The following COPE variants were observed in gnomAD, a reference collection of about 807,000 sequenced individuals.
COPE encodes the protein coat protein complex I subunit epsilon, also known as coatomer subunit epsilon.
COPE carries 19 observed loss-of-function variants against 42.1 expected under a neutral mutation model. The observed-to-expected ratio is 0.45, with a 90% CI of 0.31 to 0.66. The LOEUF (loss-of-function observed/expected upper bound fraction) is 0.66, where lower values mean the gene tolerates loss of function less well. Among genes scored for constraint, COPE ranks in the 30% least tolerant of loss-of-function variants. COPE has a pLI of 0.05. For missense variants in COPE, 402 were observed against 416.1 expected, an observed-to-expected ratio of 0.97 and a Z score of 0.30; for synonymous variants, 195 against 181.3, an observed-to-expected ratio of 1.08 and a Z score of -0.60.
intron 6 of COPE, among the ~76,000 whole-genome samples, chr19:18,904,362 A>G (rs1349604741): frequency 6.6e-6 from 1 of 152,236 alleles, no homozygotes; most frequent in African/African-American, 2.4e-5. Flanking sequence ...GGAGGTGCCC[A>G]GGCCTGGGAG....
intron 1 of COPE, among the ~76,000 whole-genome samples, chr19:18,915,417 G>A (rs1463802241): frequency 6.6e-6 from 1 of 152,212 alleles, no homozygotes; most frequent in Non-Finnish European, 1.5e-5. Flanking sequence ...AACAACAAAT[G>A]TGCAGACCGT....
intron 7 of COPE, among the ~76,000 whole-genome samples, chr19:18,902,962 T>C (rs2056723042): frequency 6.6e-6 from 1 of 151,536 alleles, no homozygotes; most frequent in South Asian, 2.1e-4. Context: ...ATACTGAGTA[T>C]GTACTCAGGT....
intron 1 of COPE, among the ~76,000 whole-genome samples, chr19:18,914,438 G>A (rs950784636): frequency 1.3e-5 from 2 of 152,022 alleles, no homozygotes; most frequent in Admixed American, 1.3e-4. Context: ...CTACTCAGGA[G>A]GCTGAGGCAA....
At chr19:18,917,482 C>T (rs2056864694) in intron 1 of COPE, among the ~76,000 whole-genome samples, 1 of 151,984 alleles carries the variant, frequency 6.6e-6, no homozygotes, top group African/African-American at 2.4e-5. Context: ...GATTCTCCTG[C>T]CTCTGCCTCC....
chr19:18,901,126 G>C (rs970293240), intron 7 of COPE, among the ~76,000 whole-genome samples: 4 of 152,192 alleles, frequency 2.6e-5, no homozygotes, highest in Admixed American at 1.3e-4. Flanking sequence ...GGGGGGACCT[G>C]AGTGCCTCCC....
intron 9 of COPE, 49 bp from the exon 10 acceptor site, chr19:18,899,775 A>T: frequency 6.2e-7 from 1 of 1,612,132 alleles, no homozygotes; most frequent in African/African-American, 1.3e-5. Flanking sequence ...GTGTGGGGAG[A>T]CAGGTGGAGG....
At chr19:18,907,133 C>T (rs767352017) in intron 3 of COPE, 21 bp from the exon 4 acceptor site, 78 of 1,605,868 alleles carry the variant, frequency 4.9e-5, no homozygotes, top group Middle Eastern at 1.6e-4. Context: ...GAGATGCTCA[C>T]GACCCACAGC....
chr19:18,899,993 A>C (rs1475334531), intron 8 of COPE, 46 bp from the exon 9 acceptor site: 1 of 1,566,424 alleles, frequency 6.4e-7, no homozygotes, highest in South Asian at 1.2e-5. Flanking sequence ...CGGGGACCCC[A>C]CGGTGGCTCT....
intron 6 of COPE, among the ~76,000 whole-genome samples, chr19:18,904,332 G>GA (rs1299854873): frequency 9.2e-5 from 14 of 152,260 alleles, no homozygotes; most frequent in African/African-American, 3.4e-4. Context: ...CAGAAACCAG[G>GA]AGAGGGGCTG....
chr19:18,918,402 T>A (rs2056878336), intron 1 of COPE, among the ~76,000 whole-genome samples: 2 of 152,052 alleles, frequency 1.3e-5, no homozygotes, highest in African/African-American at 4.8e-5. Context: ...CAGGTTTGTT[T>A]TCTCTAAAAT....
In COPE at chr19:18,908,628, C is replaced by T. The variant is rs187504716; in HGVS notation, c.291-1516G>A. 2.4e-3 allele frequency among the ~76,000 whole-genome samples: 361 copies of T among 151,394 alleles called. 2 individuals are homozygous for T. The highest frequency in any genetic ancestry group is 7.2e-3 in the African/African-American group (298 of 41,334). The stretch of plus-strand genomic sequence containing the variant: ...GCCTCCCGGGTTCATGCCATTCTCC[C>T]GCCTCAGCCTCCCGAGTAGCTGGGA... On this transcript the variant is annotated intron_variant, in intron 3 of 9. Transcript: ENST00000262812.
chr19:18,914,466 G>A (rs1024474358), intron 1 of COPE, among the ~76,000 whole-genome samples: 1 of 151,718 alleles, frequency 6.6e-6, no homozygotes, highest in Non-Finnish European at 1.5e-5. Flanking sequence ...ACTTGAACCC[G>A]GGAGATAGAG....
intron 4 of COPE, 188 bp downstream of exon 4, chr19:18,906,772 G>GT (rs1167799294): frequency 1.6e-6 from 1 of 611,642 alleles, no homozygotes; most frequent in African/African-American, 1.9e-5. Context: ...CTGCAGCCTG[G>GT]TGCGCAGATG....
intron 6 of COPE, 97 bp from the exon 7 acceptor site, chr19:18,903,520 A>G: frequency 1.4e-6 from 2 of 1,390,858 alleles, no homozygotes; most frequent in East Asian, 2.7e-5. Flanking sequence ...AGCACTGCAC[A>G]GAGACGAATC....
At chr19:18,917,234 T>C (rs939314626) in intron 1 of COPE, among the ~76,000 whole-genome samples, 3 of 122,676 alleles carry the variant, frequency 2.4e-5, no homozygotes, top group Non-Finnish European at 5.5e-5. Context: ...AGAAACATTC[T>C]TTTTTTCTTT....
rs1447002283 is a variant in COPE, at chr19:18,900,381, C to G, written c.804G>C (p.Glu268Asp). Reference sequence around the variant, plus strand: ...GCCTGGAGCCCTGGGGGCCGCTTACCTCAGGGGGCTTGCCCAGGTGCTGGG... The same window carrying G: ...GCCTGGAGCCCTGGGGGCCGCTTACGTCAGGGGGCTTGCCCAGGTGCTGGG... ...VLSQHLGKPP[E>D]VTNRYLSQLK... is the part of the protein sequence containing the mutation. The change falls in exon 8 of 10, where the codon GAG becomes GAC. Residue 268 changes from glutamate (E) to aspartate (D), a missense_variant and splice_region_variant. Coordinates refer to ENST00000262812, the MANE Select transcript of COPE (RefSeq NM_007263.4). The G allele has an allele frequency of 6.5e-7, 1 of 1,548,182 alleles. No individual in the cohort carries two copies. Among genetic ancestry groups the G allele is most frequent in the South Asian group, 1.2e-5 (1 of 83,796 alleles).
chr19:18,900,010 CTGGACAGGGG>C (rs1015351984), intron 8 of COPE, 63 bp from the exon 9 acceptor site: 2 of 1,467,566 alleles, frequency 1.4e-6, no homozygotes, highest in African/African-American at 2.8e-5. Flanking sequence ...CTCTGACCTG[CTGGACAGGGG>C]TGGATTGGGG....
At position 18,913,025 on chromosome 19, in the gene COPE, C is replaced by G. The variant is rs200131883; in HGVS notation, c.148G>C (p.Val50Leu). Residue 50 changes from valine (V) to leucine (L), a missense_variant, in exon 2 of 10, where the codon GTG becomes CTG. Physicochemically the swap from Val to Leu is conservative, Grantham distance 32. Coordinates refer to ENST00000262812, the MANE Select transcript of COPE (RefSeq NM_007263.4). ...RVKLSSPERD[V>L]ERDVFLYRAY... ...CTATACAGGAAGACGTCCCTCTCCA[C>G]GTCTCTCTCTGGGCTTGATAGCTGT... 6.2e-7 allele frequency: 1 copy of G among 1,611,710 alleles called. No homozygotes were observed. The highest frequency in any genetic ancestry group is 8.5e-7 in the Non-Finnish European group (1 of 1,179,912).
intron 3 of COPE, among the ~76,000 whole-genome samples, chr19:18,909,898 T>G (rs981569868): frequency 1.3e-5 from 2 of 152,198 alleles, no homozygotes; most frequent in Admixed American, 1.3e-4. Flanking sequence ...TATCTCTTAA[T>G]CTGATCGGCA....
Sources: gnomAD v4.1 joint callset for allele counts (sites outside exome capture counted in the v4.1 genomes callset) on GRCh38, gnomAD v4.1.1 for gene constraint, MANE v1.5 for transcripts, NCBI Gene and HGNC (gene_info 2026-07-23, HGNC 2026-07-21) for gene names.